The following LAMC1 variants were observed in gnomAD, a reference collection of about 807,000 sequenced individuals.
The protein encoded by LAMC1 is laminin subunit gamma 1.
Under a neutral mutation model 173.6 loss-of-function variants are expected in LAMC1, and 38 were observed. The ratio of observed to expected loss-of-function variants is 0.22; its 90% CI spans 0.17 to 0.29. LAMC1 has a LOEUF of 0.29. LAMC1 is among the 10% of genes least tolerant of loss of function. The pLI is 1.00. For synonymous variants in LAMC1, 746 were observed against 749.1 expected (o/e 1.00, Z 0.07); for missense variants, 1,824 against 2,051.8 (o/e 0.89, Z 2.14).
At position 183,130,467 on chromosome 1, in the gene LAMC1, G is replaced by C. The variant is rs150090402; in HGVS notation, c.3404G>C (p.Arg1135Pro). 1.2e-6 allele frequency: 2 copies of C among 1,614,146 alleles called. No homozygotes were observed. Among genetic ancestry groups the C allele is most frequent in the Non-Finnish European group, 1.7e-6 (2 of 1,180,006 alleles). The change falls in exon 19 of 28, where the codon CGT becomes CCT. Residue 1135 changes from arginine (R) to proline (P), a missense_variant. By Grantham distance (103) the Arg-to-Pro change is moderately radical. Transcript: ENST00000258341. Reference protein sequence around the residue: ...EETGNLAEQARAHVENTERLI... With the variant: ...EETGNLAEQAPAHVENTERLI... The stretch of plus-strand genomic sequence containing the variant: ...ACTGGAAACTTGGCTGAACAAGCGC[G>C]TGCCCATGTAGAGAACACAGAGCGG...
chr1:183,110,228 A>G (rs1656104728), intron 3 of LAMC1, among the ~76,000 whole-genome samples: 1 of 152,200 alleles, frequency 6.6e-6, no homozygotes, highest in Admixed American at 6.5e-5. Context: ...GACTTCAGGA[A>G]TTGATCCTAC....
chr1:183,125,177 T>C, intron 14 of LAMC1: 1 of 600,992 alleles, frequency 1.7e-6, no homozygotes, highest in Non-Finnish European at 2.9e-6. Context: ...GAAATATATG[T>C]TTTTTCTCAC....
chr1:183,134,179 G>A (rs1331258185), intron 22 of LAMC1, among the ~76,000 whole-genome samples: 1 of 152,162 alleles, frequency 6.6e-6, no homozygotes, highest in Non-Finnish European at 1.5e-5. Context: ...TAAGCTTGAG[G>A]TTTACTAAGT....
chr1:183,064,476 T>G (rs1654817310), intron 1 of LAMC1, among the ~76,000 whole-genome samples: 1 of 152,188 alleles, frequency 6.6e-6, no homozygotes, highest in Non-Finnish European at 1.5e-5. Context: ...TAACCAAACA[T>G]AAACACTTCT....
At chr1:183,045,552 A>G (rs1335550450) in intron 1 of LAMC1, among the ~76,000 whole-genome samples, 3 of 152,020 alleles carry the variant, frequency 2.0e-5, no homozygotes. Flanking sequence ...TCTAGTTAAG[A>G]TTATACTACA....
At position 183,131,359 on chromosome 1, in the gene LAMC1, G is replaced by C. The variant is rs369629357; in HGVS notation, c.3547G>C (p.Ala1183Pro). 1.2e-6 allele frequency: 2 copies of C among 1,613,286 alleles called. No homozygotes were observed. Among genetic ancestry groups the C allele is most frequent in the African/African-American group, 1.3e-5 (1 of 74,880 alleles). ...CAACATGACTCTTTTGGCAGAAGAG[G>C]CTCGAAAGCTTGCTGAACGGTAACT... Reference protein sequence around the residue: ...PNNMTLLAEEARKLAERHKQE... With the variant: ...PNNMTLLAEEPRKLAERHKQE... Residue 1183 changes from alanine to proline, a missense_variant, in exon 20 of 28, where the codon GCT becomes CCT. By Grantham distance (27) the Ala-to-Pro change is conservative. Transcript: ENST00000258341.
intron 27 of LAMC1, among the ~76,000 whole-genome samples, chr1:183,141,878 A>T (rs1271897516): frequency 6.6e-6 from 1 of 152,236 alleles, no homozygotes; most frequent in Non-Finnish European, 1.5e-5. Flanking sequence ...TGAGACTTTA[A>T]TCAAGTCAAG....
intron 20 of LAMC1, among the ~76,000 whole-genome samples, chr1:183,131,848 C>T (rs1264336167): frequency 6.6e-6 from 1 of 152,160 alleles, no homozygotes; most frequent in Non-Finnish European, 1.5e-5. Flanking sequence ...AACATTTTCT[C>T]TTATAAATGT....
At chr1:183,087,755 A>G (rs1278030483) in intron 1 of LAMC1, among the ~76,000 whole-genome samples, 1 of 151,888 alleles carries the variant, frequency 6.6e-6, no homozygotes, top group African/African-American at 2.4e-5. Context: ...TGCCATGTTG[A>G]TTAATGAAAT....
At chr1:183,030,488 A>G (rs1653822055) in intron 1 of LAMC1, among the ~76,000 whole-genome samples, 1 of 152,234 alleles carries the variant, frequency 6.6e-6, no homozygotes, top group African/African-American at 2.4e-5. Context: ...AAACTCCCAG[A>G]ACATTGAACA....
At chr1:183,069,904 TAGGG>T (rs774982386) in intron 1 of LAMC1, among the ~76,000 whole-genome samples, 8 of 152,080 alleles carry the variant, frequency 5.3e-5, no homozygotes, top group South Asian at 2.1e-4. Context: ...TTGAAAGAGA[TAGGG>T]AGGGCATTCC....
At chr1:183,069,256 G>A (rs1264665368) in intron 1 of LAMC1, among the ~76,000 whole-genome samples, 1 of 152,086 alleles carries the variant, frequency 6.6e-6, no homozygotes, top group Non-Finnish European at 1.5e-5. Context: ...GTGTATGTCT[G>A]GGAACAATAA....
chr1:183,077,776 G>GTGTA lies in LAMC1; in HGVS notation c.419-25551_419-25550insGTAT. Among the ~76,000 whole-genome samples, 32 of 116,562 alleles carry GTGTA rather than the reference G, an allele frequency of 2.7e-4. 1 individual carries two copies. The highest frequency in any genetic ancestry group is 1.8e-3 in the Admixed American group (21 of 11,442). 76.5% of individuals were successfully genotyped at this position (116,562 alleles called of 152,430 possible). A position where few individuals can be genotyped will look rare whatever the true frequency, so the allele number is the denominator to read the frequency against. ...TGAATAGTATTTTTATGGCCATTGT[G>GTGTA]TATATATATATATATATATACAGTA... On this transcript the variant is annotated intron_variant, in intron 1 of 27. Transcript: ENST00000258341.
chr1:183,133,417 C>G lies in LAMC1; in HGVS notation c.3716C>G (p.Ala1239Gly). The change falls in exon 22 of 28, where the codon GCG (alanine) becomes GGG (glycine). Residue 1239 changes from alanine to glycine, a missense_variant. Coordinates refer to ENST00000258341, the MANE Select transcript of LAMC1 (RefSeq NM_002293.4). ...IEELNRKYEQ[A>G]KNISQDLEKQ... ...TATTTGTGTCTTAGGTATGAACAAG[C>G]GAAGAACATCTCACAGGATCTGGAA... 1 of 1,613,238 alleles carries G rather than the reference C, an allele frequency of 6.2e-7. No individual in the cohort carries two copies. The highest frequency in any genetic ancestry group is 8.5e-7 in the Non-Finnish European group (1 of 1,179,480).
At position 183,066,126 on chromosome 1, in the gene LAMC1, T is replaced by C. The variant is rs184403760; in HGVS notation, c.419-37202T>C. 3.2e-3 allele frequency among the ~76,000 whole-genome samples: 490 copies of C among 152,348 alleles called. 2 individuals are homozygous for C. The highest frequency in any genetic ancestry group is 0.011 in the African/African-American group (475 of 41,586). ...CCTTTATATCTTTTAAACTATATCC[T>C]TTTACCAAGTGTACTGTACTTTCTG... On this transcript the variant is annotated intron_variant, in intron 1 of 27. Transcript: ENST00000258341.
At position 183,023,808 on chromosome 1, in the gene LAMC1, G is replaced by C. The variant is rs1378251125; in HGVS notation, c.92G>C (p.Gly31Ala). 1.6e-5 allele frequency: 25 copies of C among 1,544,796 alleles called. No individual in the cohort carries two copies. The highest frequency in any genetic ancestry group is 2.2e-5 in the Non-Finnish European group (25 of 1,147,002). ...GTGCTGGCGGCGGCCGCCGCGGCGG[G>C]CTGTGCCCAGGCAGCCATGGACGAG... The part of the protein sequence containing the change: ...LAVLAAAAAA[G>A]CAQAAMDECT... The change falls in exon 1 of 28, where the codon GGC becomes GCC. Residue 31 changes from glycine (G) to alanine (A), a missense_variant. By Grantham distance (60) the Gly-to-Ala change is moderately conservative. Coordinates refer to ENST00000258341, the MANE Select transcript of LAMC1 (RefSeq NM_002293.4).
Position 183,098,727 on chromosome 1 carries a change from T to C in LAMC1, c.419-4601T>C, listed in dbSNP as rs1005077179. Among the ~76,000 whole-genome samples, 4 of 152,206 alleles carry C rather than the reference T, an allele frequency of 2.6e-5. No homozygotes were observed. The East Asian group carries it at 7.7e-4, about 29-fold the overall frequency. On this transcript the variant is annotated intron_variant, in intron 1 of 27. Coordinates refer to ENST00000258341, the MANE Select transcript of LAMC1 (RefSeq NM_002293.4). ...CACTACACAGAAAAAAAGTCATCAG[T>C]AGAACTCGAATTTTAACTTCTGCCC...
intron 1 of LAMC1, among the ~76,000 whole-genome samples, chr1:183,052,819 T>TAA (rs1454486770): frequency 1.3e-5 from 2 of 152,158 alleles, no homozygotes; most frequent in Non-Finnish European, 2.9e-5. Context: ...TGCTTAAGAG[T>TAA]GTTCATCAAA....
At chr1:183,032,057 A>G (rs1308457452) in intron 1 of LAMC1, among the ~76,000 whole-genome samples, 2 of 152,342 alleles carry the variant, frequency 1.3e-5, no homozygotes, top group African/African-American at 4.8e-5. Context: ...TGGGGTTACC[A>G]GAAAACCCAT....
Sources: gnomAD v4.1 joint callset for allele counts (sites outside exome capture counted in the v4.1 genomes callset) on GRCh38, gnomAD v4.1.1 for gene constraint, MANE v1.5 for transcripts, NCBI Gene and HGNC (gene_info 2026-07-23, HGNC 2026-07-21) for gene names.